Variants in DDX19B observed in about 807,000 individuals in gnomAD.
DDX19B encodes DEAD-box helicase 19B, also known as ATP-dependent RNA helicase DDX19B.
Under a neutral mutation model 58.1 loss-of-function variants are expected in DDX19B, and 27 were observed. The ratio of observed to expected loss-of-function variants is 0.46; its 90% confidence interval spans 0.34 to 0.64. The LOEUF is 0.64. Among genes scored for constraint, DDX19B ranks in the 30% least tolerant of loss-of-function variants. DDX19B has a pLI of 0.01. For synonymous variants in DDX19B, 187 were observed against 214.4 expected (o/e 0.87, Z 1.12); for missense variants, 399 against 596.5 (o/e 0.67, Z 3.45).
chr16:70,328,871 A>C (rs1331266757), intron 7 of DDX19B, among the ~76,000 whole-genome samples: 1 of 152,050 alleles, frequency 6.6e-6, no homozygotes, highest in Non-Finnish European at 1.5e-5. Flanking sequence ...TTGCATTAAA[A>C]TATATAATAG....
intron 1 of DDX19B, among the ~76,000 whole-genome samples, chr16:70,302,823 A>G (rs983338253): frequency 6.6e-5 from 10 of 152,152 alleles, no homozygotes; most frequent in African/African-American, 1.9e-4. Context: ...GTGCCAAACT[A>G]TTTTCCAAAG....
At chr16:70,327,085 T>C (rs1370707846) in intron 7 of DDX19B, among the ~76,000 whole-genome samples, 12 of 147,724 alleles carry the variant, frequency 8.1e-5, no homozygotes, top group Admixed American at 2.7e-4. Flanking sequence ...CCTCCCGCCT[T>C]GGCCTCCCAA....
chr16:70,321,382 AGTGCTAGG>A (rs1962802239), intron 5 of DDX19B, among the ~76,000 whole-genome samples: 1 of 152,214 alleles, frequency 6.6e-6, no homozygotes, highest in Non-Finnish European at 1.5e-5. Flanking sequence ...GCCTTCCCAA[AGTGCTAGG>A]GTTACAGGCA....
chr16:70,330,370 T>G (rs1311282670), intron 9 of DDX19B, among the ~76,000 whole-genome samples: 1 of 152,156 alleles, frequency 6.6e-6, no homozygotes, highest in Non-Finnish European at 1.5e-5. Context: ...GTGGATCACC[T>G]GAGGTCAGGA....
chr16:70,289,957 G>C (rs970370818), upstream of DDX19B: 1 of 330,426 alleles, frequency 3.0e-6, no homozygotes, highest in African/African-American at 2.2e-5. Flanking sequence ...GGTTACACTT[G>C]TCCGGGGGAG....
intron 3 of DDX19B, 76 bp from the exon 4 acceptor site, chr16:70,315,893 T>C (rs996224292): frequency 2.0e-6 from 3 of 1,532,626 alleles, no homozygotes; most frequent in Middle Eastern, 4.8e-4. Flanking sequence ...AAAATACAAA[T>C]GGCAGTTGAA....
chr16:70,326,738 G>T (rs1419320331), intron 7 of DDX19B, among the ~76,000 whole-genome samples: 2 of 152,000 alleles, frequency 1.3e-5, no homozygotes, highest in Admixed American at 1.3e-4. Flanking sequence ...GTTTCACCAC[G>T]TTGGCCAGGC....
chr16:70,302,947 T>C (rs1476759300), intron 1 of DDX19B, among the ~76,000 whole-genome samples: 1 of 152,166 alleles, frequency 6.6e-6, no homozygotes, highest in Non-Finnish European at 1.5e-5. Flanking sequence ...TGGTGTCTCA[T>C]TGTGGTTTTA....
At chr16:70,313,966 A>G (rs924338592) in intron 2 of DDX19B, among the ~76,000 whole-genome samples, 43 of 151,972 alleles carry the variant, frequency 2.8e-4, no homozygotes, top group African/African-American at 9.9e-4. Flanking sequence ...AACATTTGCC[A>G]GGTGTGGTGG....
chr16:70,323,080 G>A (rs1001429819), intron 5 of DDX19B, among the ~76,000 whole-genome samples: 3 of 151,804 alleles, frequency 2.0e-5, no homozygotes, highest in East Asian at 3.9e-4. Flanking sequence ...GGCCTGCTGC[G>A]GCTGCTCCGT....
intron 7 of DDX19B, among the ~76,000 whole-genome samples, chr16:70,328,944 C>T (rs1199185430): frequency 1.3e-5 from 2 of 151,186 alleles, no homozygotes; most frequent in Non-Finnish European, 2.9e-5. Flanking sequence ...AGGCCGGGCA[C>T]GGTGGCTCAT....
intron 1 of DDX19B, among the ~76,000 whole-genome samples, chr16:70,301,324 T>C (rs1304516179): frequency 6.6e-6 from 1 of 152,198 alleles, no homozygotes; most frequent in Non-Finnish European, 1.5e-5. Flanking sequence ...GGGTATAGAA[T>C]TGTAGGTTGA....
intron 5 of DDX19B, among the ~76,000 whole-genome samples, chr16:70,323,929 T>C (rs1437515008): frequency 1.3e-5 from 2 of 152,074 alleles, no homozygotes; most frequent in Non-Finnish European, 2.9e-5. Context: ...GGAGTTAGCA[T>C]GTTATCTGGG....
chr16:70,299,454 G>A, intron 1 of DDX19B, 100 bp downstream of exon 1: 1 of 1,377,038 alleles, frequency 7.3e-7, no homozygotes, highest in Non-Finnish European at 9.7e-7. Context: ...AGGCTGGATG[G>A]GGTGGCGGGG....
At chr16:70,325,808 C>A (rs534979419) in intron 7 of DDX19B, 120 bp downstream of exon 7, 2 of 793,046 alleles carry the variant, frequency 2.5e-6, no homozygotes, top group South Asian at 1.6e-5. Context: ...CAGCTAGATT[C>A]AAAAACTTAA....
upstream of DDX19B, among the ~76,000 whole-genome samples, chr16:70,298,693 T>C (rs1961323732): frequency 6.6e-6 from 1 of 151,988 alleles, no homozygotes; most frequent in Non-Finnish European, 1.5e-5. Flanking sequence ...CTACAACGCT[T>C]ACATAGGAGA....
Position 70,316,148 on chromosome 16 carries a change from A to G in DDX19B, c.296+44A>G, listed in dbSNP as rs980502763. Reference sequence around the variant, plus strand: ...TCTGACTCTTCCCCTTTGCACTGAAATAGAGATCCTAGGTCTGTTATAGAT... The same window carrying G: ...TCTGACTCTTCCCCTTTGCACTGAAGTAGAGATCCTAGGTCTGTTATAGAT... On this transcript the variant is annotated intron_variant, in intron 4 of 11. Coordinates refer to ENST00000288071, the MANE Select transcript of DDX19B (RefSeq NM_007242.7). 3 of 1,612,008 alleles carry G rather than the reference A, an allele frequency of 1.9e-6. No individual in the cohort carries two copies. In the Admixed American group the frequency reaches 5.0e-5, roughly 27 times the overall value.
chr16:70,326,338 G>C (rs553369705), intron 7 of DDX19B, among the ~76,000 whole-genome samples: 3 of 152,070 alleles, frequency 2.0e-5, no homozygotes, highest in African/African-American at 4.8e-5. Flanking sequence ...TTAGCCAGGC[G>C]TGGTGGCGGG....
chr16:70,297,942 C>T (rs1416671894), upstream of DDX19B, among the ~76,000 whole-genome samples: 2 of 152,280 alleles, frequency 1.3e-5, no homozygotes, highest in East Asian at 1.9e-4. Context: ...TGTTTTCAAA[C>T]TCCTGGATTC....
Sources: gnomAD v4.1 joint callset for allele counts (sites outside exome capture counted in the v4.1 genomes callset) on GRCh38, gnomAD v4.1.1 for gene constraint, MANE v1.5 for transcripts, NCBI Gene and HGNC (gene_info 2026-07-23, HGNC 2026-07-21) for gene names.